B3GNT7: variants seen among roughly 807,000 people sequenced by gnomAD.
B3GNT7 encodes UDP-GlcNAc:betaGal beta-1,3-N-acetylglucosaminyltransferase 7, also known as BGnT-7.
A neutral mutation model predicts 5.1 loss-of-function variants in B3GNT7; 9 were observed. That is an observed-to-expected ratio of 1.77 (90% CI 1.07 to 3.09). B3GNT7 has a LOEUF of 3.09. B3GNT7 is among the 30% of genes most tolerant of loss of function. The probability of loss-of-function intolerance (pLI) is 0.00; values close to 1 mark genes in which losing one functional copy is unlikely to be tolerated. For missense variants in B3GNT7, 468 were observed against 550.8 expected (o/e 0.85, Z 1.50); for synonymous variants, 253 against 248.6 (o/e 1.02, Z -0.17).
At chr2:231,397,310 G>C in intron 1 of B3GNT7, 1 of 973,372 alleles carries the variant, frequency 1.0e-6, no homozygotes, top group Non-Finnish European at 1.2e-6. Flanking sequence ...AGGCATTGGG[G>C]TTCCAGGCGT....
At chr2:231,396,213 C>T (rs2046512717) in intron 1 of B3GNT7, among the ~76,000 whole-genome samples, 1 of 152,068 alleles carries the variant, frequency 6.6e-6, no homozygotes, top group Non-Finnish European at 1.5e-5. Flanking sequence ...TTCCGCGGGA[C>T]CTCGGACCGC....
chr2:231,397,066 C>A, intron 1 of B3GNT7: 1 of 377,374 alleles, frequency 2.6e-6, no homozygotes, highest in Non-Finnish European at 3.6e-6. Flanking sequence ...CATCCTTGGG[C>A]CTCCATCAAC....
At position 231,399,770 on chromosome 2, in the gene B3GNT7, T is replaced by C. The variant is rs1370637663; in HGVS notation, c.*845T>C. 2.6e-5 allele frequency: 4 copies of C among 152,146 alleles called. No individual in the cohort carries two copies. Among genetic ancestry groups the C allele is most frequent in the Non-Finnish European group, 4.4e-5 (3 of 68,044 alleles). The allele number at this position is 152,146 out of a possible 1,614,324, so 9.4% of individuals were successfully genotyped here. On this transcript the variant is annotated 3_prime_UTR_variant, in exon 2 of 2. Transcript: ENST00000287590. ...GCCCTGGAAGTGGACATTCCTCTAT[T>C]ACTGTGAAGTTTTATTTATGAAGAA... is the stretch of plus-strand genomic sequence containing the variant.
At chr2:231,397,210 C>T (rs2046522769) in intron 1 of B3GNT7, 1 of 985,628 alleles carries the variant, frequency 1.0e-6, no homozygotes, top group African/African-American at 1.7e-5. Context: ...CACAGAGGAT[C>T]AGAGGGTGCC....
chr2:231,396,590 G>C (rs1209971964), intron 1 of B3GNT7, among the ~76,000 whole-genome samples: 1 of 152,216 alleles, frequency 6.6e-6, no homozygotes, highest in African/African-American at 2.4e-5. Context: ...CCAGCCCTCA[G>C]GGCAACCCAG....
In B3GNT7 at chr2:231,397,974, C is replaced by T. The variant is rs566644892; in HGVS notation, c.255C>T (p.Thr85=). ...ASQGPQAWDV[T]TTNCSANINL... ...AGGGGCCCCAGGCCTGGGACGTGAC[C>T]ACCACTAACTGCTCAGCCAATATCA... Residue 85 remains threonine (T), a synonymous_variant, in exon 2 of 2, where the codon ACC becomes ACT. Transcript: ENST00000287590. 3 of 1,612,150 alleles carry T rather than the reference C, an allele frequency of 1.9e-6. No homozygotes were observed. In the South Asian group the frequency reaches 3.3e-5, roughly 18 times the overall value.
rs2046509927 is a variant in B3GNT7, at chr2:231,395,966, G to A, written c.11+152G>A. On this transcript the variant is annotated intron_variant, in intron 1 of 1. Coordinates refer to ENST00000287590, the MANE Select transcript of B3GNT7 (RefSeq NM_145236.3). This position sits in a 1 kb window ranked among gnomAD's most constrained non-coding sequence, Gnocchi z 7.3. Reference sequence around the variant, plus strand: ...GCCTCAGTTTCCCGGGGGCGGATGGGCGGGCGGGCGCGGCGGCGGCGGCGG... The same window carrying A: ...GCCTCAGTTTCCCGGGGGCGGATGGACGGGCGGGCGCGGCGGCGGCGGCGG... 6.7e-6 allele frequency among the ~76,000 whole-genome samples: 1 copy of A among 149,316 alleles called. No homozygotes were observed. The highest frequency in any genetic ancestry group is 2.5e-5 in the African/African-American group (1 of 39,284).
At position 231,397,818 on chromosome 2, in the gene B3GNT7, G is replaced by A. The variant is rs151118590; in HGVS notation, c.99G>A (p.Gln33=). 1,254 of 1,613,806 alleles carry A rather than the reference G, an allele frequency of 7.8e-4. 10 individuals are homozygous for A. In the African/African-American group the frequency reaches 0.013, roughly 17 times the overall value. The change falls in exon 2 of 2, where the codon CAG becomes CAA. Residue 33 remains glutamine, a synonymous_variant. Coordinates refer to ENST00000287590, the MANE Select transcript of B3GNT7 (RefSeq NM_145236.3). The part of the protein sequence containing the change: ...TVFQRSLTPG[Q]FLQEPPPPTL... ...TCCAACGCAGTCTCACCCCTGGTCA[G>A]TTTCTGCAGGAGCCTCCGCCACCCA...
At chr2:231,396,964 G>A (rs1003547307) in intron 1 of B3GNT7, among the ~76,000 whole-genome samples, 2 of 152,344 alleles carry the variant, frequency 1.3e-5, no homozygotes, top group East Asian at 1.9e-4. Context: ...CCAGGGAGTA[G>A]AGCTGTAGCC....
At chr2:231,397,258 C>T (rs1317124087) in intron 1 of B3GNT7, 15 of 987,402 alleles carry the variant, frequency 1.5e-5, no homozygotes, top group Middle Eastern at 5.1e-4. Context: ...CTAATGATAC[C>T]GATACCTACT....
Position 231,397,720 on chromosome 2 carries a change from C to G in B3GNT7, c.12-11C>G. 2.5e-6 allele frequency: 4 copies of G among 1,601,910 alleles called. No homozygotes were observed. The South Asian group carries it at 4.5e-5, about 18-fold the overall frequency. ...TTCTCTCTCCTCTGTACTGTCCGCT[C>G]TCCCCCACAGGAAGAAAACCGTCTA... On this transcript the variant is annotated splice_polypyrimidine_tract_variant and intron_variant, in intron 1 of 1. Coordinates refer to ENST00000287590, the MANE Select transcript of B3GNT7 (RefSeq NM_145236.3).
Position 231,400,081 on chromosome 2 carries a change from T to C in B3GNT7, c.*1156T>C, listed in dbSNP as rs1028638812. 1.4e-5 allele frequency: 2 copies of C among 139,666 alleles called. No homozygotes were observed. Among genetic ancestry groups the C allele is most frequent in the Admixed American group, 1.4e-4 (2 of 13,924 alleles). The allele number at this position is 139,666 out of a possible 1,614,324, so 8.7% of individuals were successfully genotyped here. ...AGATGGAGGGATTGACACTATTTTCTCAATAAAATGGGACTTTTTTTTTTT... is the reference window on the plus strand; with the variant it reads ...AGATGGAGGGATTGACACTATTTTCCCAATAAAATGGGACTTTTTTTTTTT... On this transcript the variant is annotated 3_prime_UTR_variant, in exon 2 of 2. Transcript: ENST00000287590.
Position 231,398,594 on chromosome 2 carries a change from C to G in B3GNT7, c.875C>G (p.Ala292Gly). The G allele has an allele frequency of 3.1e-6, 5 of 1,612,776 alleles. No individual in the cohort carries two copies. Among genetic ancestry groups the G allele is most frequent in the Non-Finnish European group, 4.2e-6 (5 of 1,179,592 alleles). ...ATCCCGGGGGCCCTGTACGGCAAGG[C>G]CAGCTATCCGCCGTATGCAGGCGGC... The part of the protein sequence containing the change: ...YYIPGALYGK[A>G]SYPPYAGGGG... The change falls in exon 2 of 2, where the codon GCC becomes GGC. Residue 292 changes from alanine (A) to glycine (G), a missense_variant. Ala to Gly is a moderately conservative substitution (Grantham distance 60, BLOSUM62 0). Coordinates refer to ENST00000287590, the MANE Select transcript of B3GNT7 (RefSeq NM_145236.3).
rs780846082 is a variant in B3GNT7 at position 231,397,758 on chromosome 2, C to G, written c.39C>G (p.Cys13Trp). 2.5e-6 allele frequency: 4 copies of G among 1,613,374 alleles called. No homozygotes were observed. The highest frequency in any genetic ancestry group is 3.4e-6 in the Non-Finnish European group (4 of 1,179,760). The change falls in exon 2 of 2, where the codon TGC (cysteine) becomes TGG (tryptophan). Residue 13 changes from cysteine to tryptophan, a missense_variant. Cys to Trp is a radical substitution (Grantham distance 215). Coordinates refer to ENST00000287590, the MANE Select transcript of B3GNT7 (RefSeq NM_145236.3). ...AGAAAACCGTCTACCGGAGTCTGTGCCTGGCCCTGGCCCTGCTCGTGGCCG... is the reference window on the plus strand; with the variant it reads ...AGAAAACCGTCTACCGGAGTCTGTGGCTGGCCCTGGCCCTGCTCGTGGCCG... Reference protein sequence around the residue: ...LWKKTVYRSLCLALALLVAVT... With the variant: ...LWKKTVYRSLWLALALLVAVT...
In B3GNT7 at chr2:231,397,784, T is replaced by C. The variant is rs1056277149; in HGVS notation, c.65T>C (p.Val22Ala). The part of the protein sequence containing the change: ...LCLALALLVA[V>A]TVFQRSLTPG... ...CTGGCCCTGGCCCTGCTCGTGGCCG[T>C]GACGGTGTTCCAACGCAGTCTCACC... The change falls in exon 2 of 2, where the codon GTG becomes GCG. Residue 22 changes from valine (V) to alanine (A), a missense_variant. Val to Ala is a moderately conservative substitution (Grantham distance 64). Transcript: ENST00000287590. 5.0e-6 allele frequency: 8 copies of C among 1,613,652 alleles called. No homozygotes were observed. Among genetic ancestry groups the C allele is most frequent in the Non-Finnish European group, 6.8e-6 (8 of 1,179,884 alleles).
rs779873331 is a variant in B3GNT7 at position 231,397,843 on chromosome 2, A to C, written c.124A>C (p.Thr42Pro). Residue 42 changes from threonine (T) to proline (P), a missense_variant, in exon 2 of 2, where the codon ACC (threonine) becomes CCC (proline). Physicochemically the swap from Thr to Pro is conservative, Grantham distance 38. Coordinates refer to ENST00000287590, the MANE Select transcript of B3GNT7 (RefSeq NM_145236.3). The part of the protein sequence containing the change: ...GQFLQEPPPP[T>P]LEPQKAQKPN... ...GTTTCTGCAGGAGCCTCCGCCACCC[A>C]CCCTGGAGCCACAGAAGGCCCAGAA... is the stretch of plus-strand genomic sequence containing the variant. 2 of 1,613,718 alleles carry C rather than the reference A, an allele frequency of 1.2e-6. No homozygotes were observed. Among genetic ancestry groups the C allele is most frequent in the Non-Finnish European group, 1.7e-6 (2 of 1,179,868 alleles).
chr2:231,397,582 C>T, intron 1 of B3GNT7, 149 bp from the exon 2 acceptor site: 1 of 731,386 alleles, frequency 1.4e-6, no homozygotes, highest in Non-Finnish European at 2.1e-6. Context: ...GAAGCGGGAC[C>T]CTACCCTGAC....
rs708106 is a variant in B3GNT7, at chr2:231,400,883, A to G, written c.*1958A>G. The stretch of plus-strand genomic sequence containing the variant: ...CGCCACCACCTGGCCCTGGTGGTTA[A>G]AATGATAATAATATTAACCCCTGAC... On this transcript the variant is annotated 3_prime_UTR_variant, in exon 2 of 2. Transcript: ENST00000287590. 19 of 152,208 alleles carry G rather than the reference A, an allele frequency of 1.2e-4. No homozygotes were observed. The highest frequency in any genetic ancestry group is 2.6e-4 in the Admixed American group (4 of 15,282). The allele number at this position is 152,208 out of a possible 1,614,324, so 9.4% of individuals were successfully genotyped here. A position where few individuals can be genotyped will look rare whatever the true frequency, so the allele number is the denominator to read the frequency against.
chr2:231,398,228 C>T lies in B3GNT7; in HGVS notation c.509C>T (p.Ala170Val), dbSNP rs2046533136. 6.2e-7 allele frequency: 1 copy of T among 1,605,230 alleles called. No individual in the cohort carries two copies. The highest frequency in any genetic ancestry group is 8.5e-7 in the Non-Finnish European group (1 of 1,175,686). ...CAGTCCGCGGGTGGGGGCCGAGGCG[C>T]CGTGCGCACCCTCTTCCTGCTGGGC... ...ERQSAGGGRG[A>V]VRTLFLLGTA... Residue 170 changes from alanine to valine, a missense_variant, in exon 2 of 2, where the codon GCC becomes GTC. Ala to Val is a moderately conservative substitution (Grantham distance 64). Transcript: ENST00000287590.
Sources: allele counts gnomAD v4.1 joint callset (sites outside exome capture counted in the v4.1 genomes callset), GRCh38; gene constraint gnomAD v4.1.1; non-coding constraint Gnocchi (gnomAD v3.1); transcripts MANE v1.5; gene names NCBI Gene and HGNC (gene_info 2026-07-23, HGNC 2026-07-21).